PSPH: variants seen among roughly 807,000 people sequenced by gnomAD.
The protein encoded by PSPH is phosphoserine phosphatase, also known as L-3-phosphoserine phosphatase.
In PSPH, 16 loss-of-function variants were observed where a neutral mutation model predicts 23.4. The observed-to-expected ratio is 0.68, with a 90% CI of 0.46 to 1.04. The LOEUF is 1.04. Among genes scored for constraint, PSPH ranks in the 50% least tolerant of loss-of-function variants. The probability of loss-of-function intolerance (pLI) is 0.00; values close to 1 mark genes in which losing one functional copy is unlikely to be tolerated. For missense variants in PSPH, 223 were observed against 273.7 expected, an observed-to-expected ratio of 0.81 and a Z score of 1.31; for synonymous variants, 68 against 99.7, an observed-to-expected ratio of 0.68 and a Z score of 1.89.
At chr7:56,018,385 T>G (rs1006142419) in intron 5 of PSPH, among the ~76,000 whole-genome samples, 5 of 151,920 alleles carry the variant, frequency 3.3e-5, no homozygotes, top group Admixed American at 1.3e-4. Flanking sequence ...GTAGGGTTTG[T>G]CTGCTTTAGG....
chr7:56,042,089 G>A (rs765554583), intron 1 of PSPH, among the ~76,000 whole-genome samples: 4 of 151,844 alleles, frequency 2.6e-5, no homozygotes, highest in Non-Finnish European at 5.9e-5. Flanking sequence ...AGGGTGTGGT[G>A]TCGTGCACCT....
At chr7:56,016,759 C>T (rs978668778) in intron 6 of PSPH, among the ~76,000 whole-genome samples, 1 of 151,330 alleles carries the variant, frequency 6.6e-6, no homozygotes, top group African/African-American at 2.4e-5. Context: ...TTTTTTTTAG[C>T]AGAGTTGGGG....
At chr7:56,046,639 C>A (rs536420195) in intron 1 of PSPH, among the ~76,000 whole-genome samples, 1 of 152,024 alleles carries the variant, frequency 6.6e-6, no homozygotes, top group African/African-American at 2.4e-5. Context: ...CACAAATTAG[C>A]TGGGCATGGT....
At chr7:56,041,521 G>A (rs776074913) in intron 1 of PSPH, among the ~76,000 whole-genome samples, 4 of 151,826 alleles carry the variant, frequency 2.6e-5, no homozygotes, top group East Asian at 1.9e-4. Context: ...TGGAGACAAG[G>A]TCTTTAAAGA....
intron 1 of PSPH, among the ~76,000 whole-genome samples, chr7:56,035,069 G>A (rs182595089): frequency 1.2e-4 from 19 of 152,126 alleles, no homozygotes; most frequent in Admixed American, 1.2e-3. Flanking sequence ...GGCCAGGCGC[G>A]GTGGCTCAAG....
At chr7:56,037,047 G>A (rs1227260702) in intron 1 of PSPH, among the ~76,000 whole-genome samples, 1 of 151,898 alleles carries the variant, frequency 6.6e-6, no homozygotes, top group African/African-American at 2.4e-5. Flanking sequence ...GATGGCAGGC[G>A]CCTGTAATCT....
Position 56,051,180 on chromosome 7 carries a change from G to A in PSPH, c.-334C>T, listed in dbSNP as rs1026714100. 2.0e-4 allele frequency: 31 copies of A among 152,244 alleles called. No individual in the cohort carries two copies. The highest frequency in any genetic ancestry group is 7.2e-4 in the African/African-American group (30 of 41,438). 9.4% of individuals were successfully genotyped at this position (152,244 alleles called of 1,614,324 possible). On this transcript the variant is annotated 5_prime_UTR_variant, in exon 1 of 8. Coordinates refer to ENST00000275605, the MANE Select transcript of PSPH (RefSeq NM_004577.4). Reference sequence around the variant, plus strand: ...TCAAAGGCAGGAATGACTCTACAAGGGTGAATTTTCAAATCTGCCATAGGG... The same window carrying A: ...TCAAAGGCAGGAATGACTCTACAAGAGTGAATTTTCAAATCTGCCATAGGG...
At chr7:56,046,136 T>G (rs1038253750) in intron 1 of PSPH, among the ~76,000 whole-genome samples, 1 of 151,920 alleles carries the variant, frequency 6.6e-6, no homozygotes, top group East Asian at 1.9e-4. Context: ...TGGTTTTTAT[T>G]ATTTATTTAT....
At chr7:56,027,145 C>T (rs1319698485) in intron 3 of PSPH, among the ~76,000 whole-genome samples, 1 of 149,516 alleles carries the variant, frequency 6.7e-6, no homozygotes, top group Non-Finnish European at 1.5e-5. Flanking sequence ...GCAGAAGTTG[C>T]GGCGAGCCGA....
intron 6 of PSPH, among the ~76,000 whole-genome samples, chr7:56,015,905 T>C (rs1292748660): frequency 6.6e-6 from 1 of 151,990 alleles, no homozygotes; most frequent in African/African-American, 2.4e-5. Context: ...TGATCAGACT[T>C]GCCTCGGCCT....
At chr7:56,049,288 G>A (rs1793673735) in intron 1 of PSPH, among the ~76,000 whole-genome samples, 1 of 151,858 alleles carries the variant, frequency 6.6e-6, no homozygotes, top group African/African-American at 2.4e-5. Context: ...CCCTCCCCTT[G>A]CTCCCACCCC....
chr7:56,014,871 A>G (rs1045514303), intron 7 of PSPH, 152 bp downstream of exon 7: 1 of 722,098 alleles, frequency 1.4e-6, no homozygotes. Context: ...TGAACCCAGG[A>G]GGCGGATATT....
In PSPH at chr7:56,018,072, G is replaced by A. The variant is rs1046185527; in HGVS notation, c.276-693C>T. 1.2e-4 allele frequency among the ~76,000 whole-genome samples: 18 copies of A among 151,920 alleles called. No individual in the cohort carries two copies. The East Asian group carries it at 2.8e-3, about 24-fold the overall frequency. ...AGAAATCAATGGGTAGGGGCTGGGCGTGGTGGCTCACGCCTGTAATCCCAG... is the reference window on the plus strand; with the variant it reads ...AGAAATCAATGGGTAGGGGCTGGGCATGGTGGCTCACGCCTGTAATCCCAG... On this transcript the variant is annotated intron_variant, in intron 5 of 7. Coordinates refer to ENST00000275605, the MANE Select transcript of PSPH (RefSeq NM_004577.4).
chr7:56,025,168 G>A (rs932137536), intron 3 of PSPH, among the ~76,000 whole-genome samples: 1 of 151,992 alleles, frequency 6.6e-6, no homozygotes, highest in Non-Finnish European at 1.5e-5. Context: ...ATCACGATCT[G>A]GCTCCTATGC....
chr7:56,037,215 T>C (rs1412916664), intron 1 of PSPH, among the ~76,000 whole-genome samples: 3 of 147,886 alleles, frequency 2.0e-5, no homozygotes, highest in Non-Finnish European at 3.0e-5. Flanking sequence ...CTTAGTGGAA[T>C]GATAGGACAT....
intron 1 of PSPH, among the ~76,000 whole-genome samples, chr7:56,041,209 CTTTTT>C (rs1163943212): frequency 8.4e-5 from 11 of 130,398 alleles, no homozygotes; most frequent in Non-Finnish European, 1.1e-4. Flanking sequence ...CTCTCTCTCT[CTTTTT>C]TTTTTTTTTT....
At chr7:56,043,286 T>G (rs1302339769) in intron 1 of PSPH, 1 of 148,512 alleles carries the variant, frequency 6.7e-6, no homozygotes, top group Non-Finnish European at 1.5e-5. Context: ...AAAAGACAGC[T>G]GTAGAGGACA....
intron 3 of PSPH, among the ~76,000 whole-genome samples, chr7:56,030,911 C>G (rs1790885729): frequency 6.8e-6 from 1 of 148,076 alleles, no homozygotes. Context: ...CAAAAAACAA[C>G]AACAACAAAA....
intron 1 of PSPH, among the ~76,000 whole-genome samples, chr7:56,045,899 A>T (rs1268183629): frequency 2.6e-5 from 4 of 151,382 alleles, no homozygotes; most frequent in Admixed American, 2.0e-4. Context: ...AAAAAAAAAA[A>T]AAAAAGAAAG....
Sources: allele counts gnomAD v4.1 joint callset (sites outside exome capture counted in the v4.1 genomes callset), GRCh38; gene constraint gnomAD v4.1.1; transcripts MANE v1.5; gene names NCBI Gene and HGNC (gene_info 2026-07-23, HGNC 2026-07-21).